ERC1: variants seen among roughly 807,000 people sequenced by gnomAD.
ERC1 encodes RAB6 interacting protein 2.
In ERC1, 56 loss-of-function variants were observed where a neutral mutation model predicts 132.0. The observed-to-expected ratio is 0.42, with a 90% CI of 0.34 to 0.53. ERC1 has a LOEUF of 0.53. Ranked by LOEUF, ERC1 falls within the 20% of genes least tolerant of loss-of-function variation. The pLI, the probability that ERC1 is intolerant of heterozygous loss-of-function variation, is 0.03. For missense variants in ERC1, 1,202 were observed against 1,349.9 expected (o/e 0.89, Z 1.72); for synonymous variants, 478 against 476.1 (o/e 1.00, Z -0.05).
At chr12:1,358,956 A>G (rs995510329) in intron 15 of ERC1, among the ~76,000 whole-genome samples, 3 of 152,176 alleles carry the variant, frequency 2.0e-5, no homozygotes, top group Non-Finnish European at 2.9e-5. Flanking sequence ...ATCTTCTTAC[A>G]TCGACAAAGA....
chr12:1,145,277 A>G (rs1950248385), intron 8 of ERC1, among the ~76,000 whole-genome samples: 1 of 152,152 alleles, frequency 6.6e-6, no homozygotes. Context: ...TCGGCCTCCC[A>G]AAGTGCTGGG....
Position 1,114,289 on chromosome 12 carries a change from A to G in ERC1, c.1402-1577A>G, listed in dbSNP as rs148446172. Among the ~76,000 whole-genome samples, 1,418 of 152,246 alleles carry G rather than the reference A, an allele frequency of 9.3e-3. 22 individuals are homozygous for G. The highest frequency in any genetic ancestry group is 0.031 in the African/African-American group (1,270 of 41,546). On this transcript the variant is annotated intron_variant, in intron 6 of 18. Coordinates refer to ENST00000360905, the MANE Select transcript of ERC1 (RefSeq NM_178040.4). ...ACCCGCCTCGGCCTTCCAAAGTGCA[A>G]TGATTACAGGCGTGAGCCACTGCAC...
chr12:1,016,327 A>G (rs1965492699), intron 1 of ERC1, among the ~76,000 whole-genome samples: 2 of 152,210 alleles, frequency 1.3e-5, no homozygotes, highest in Admixed American at 6.5e-5. Flanking sequence ...GTTGCTATTA[A>G]AGAATTTTTT....
At chr12:1,070,537 C>T (rs369121173) in intron 2 of ERC1, among the ~76,000 whole-genome samples, 27 of 152,200 alleles carry the variant, frequency 1.8e-4, no homozygotes, top group South Asian at 8.3e-4. Flanking sequence ...CCTTCCTCCT[C>T]GGCTTCTCAA....
At chr12:1,450,343 A>G (rs2093399110) in intron 18 of ERC1, among the ~76,000 whole-genome samples, 1 of 152,096 alleles carries the variant, frequency 6.6e-6, no homozygotes, top group Non-Finnish European at 1.5e-5. Context: ...CTTGCCCCAT[A>G]TTCCATCTGC....
intron 8 of ERC1, among the ~76,000 whole-genome samples, chr12:1,142,477 G>A (rs1044724455): frequency 3.3e-5 from 5 of 152,188 alleles, no homozygotes; most frequent in African/African-American, 1.2e-4. Flanking sequence ...GTCAAGTCAA[G>A]TATATTTCTA....
At chr12:1,394,055 T>G (rs1228875247) in intron 16 of ERC1, among the ~76,000 whole-genome samples, 3 of 140,232 alleles carry the variant, frequency 2.1e-5, no homozygotes, top group Admixed American at 7.2e-5. Context: ...CCACAAAGCA[T>G]TAAGCAATTT....
At chr12:1,082,180 A>G (rs1464666178) in intron 2 of ERC1, among the ~76,000 whole-genome samples, 1 of 151,932 alleles carries the variant, frequency 6.6e-6, no homozygotes, top group Non-Finnish European at 1.5e-5. Flanking sequence ...GGTTCGTGCC[A>G]CCATGCCTGG....
At position 1,172,512 on chromosome 12, in the gene ERC1, A is replaced by G. The variant is rs141363474; in HGVS notation, c.1738-8028A>G. On this transcript the variant is annotated intron_variant, in intron 8 of 18. Transcript: ENST00000360905. ...ATGTATTTCTTGAGTTTACTACTCA[A>G]TAATGATAATTATATATGATAGTAA... is the stretch of plus-strand genomic sequence containing the variant. Among the ~76,000 whole-genome samples the G allele has an allele frequency of 7.5e-3, 1,139 of 152,346 alleles. 19 individuals carry two copies. Among genetic ancestry groups the G allele is most frequent in the African/African-American group, 0.025 (1,048 of 41,578 alleles).
Position 1,493,684 on chromosome 12 carries a change from G to A in ERC1, c.*3454G>A, listed in dbSNP as rs1199282262. On this transcript the variant is annotated 3_prime_UTR_variant, in exon 19 of 19. Coordinates refer to ENST00000360905, the MANE Select transcript of ERC1 (RefSeq NM_178040.4). ...GGCTCTCAGACTTCCTCACACTTGG[G>A]TTTTAGAAATAACTTGTAAAGCAGA... 1 of 191,732 alleles carries A rather than the reference G, an allele frequency of 5.2e-6. No individual in the cohort carries two copies. Among genetic ancestry groups the A allele is most frequent in the Non-Finnish European group, 1.1e-5 (1 of 93,146 alleles). The allele number at this position is 191,732 out of a possible 1,614,324, so 11.9% of individuals were successfully genotyped here.
chr12:1,239,935 A>AT lies in ERC1; in HGVS notation c.2487+3033dup, dbSNP rs575907616. Among the ~76,000 whole-genome samples, 250 of 152,312 alleles carry AT rather than the reference A, an allele frequency of 1.6e-3. 1 individual carries two copies. Among genetic ancestry groups the AT allele is most frequent in the Middle Eastern group, 6.8e-3 (2 of 294 alleles). ...TTTGGGGAAAGCCCCATGAATTTGC[A>AT]TTCTAATAAGTTCCTGGGTGATGAT... On this transcript the variant is annotated intron_variant, in intron 13 of 18. Coordinates refer to ENST00000360905, the MANE Select transcript of ERC1 (RefSeq NM_178040.4).
intron 18 of ERC1, among the ~76,000 whole-genome samples, chr12:1,450,886 T>C (rs2093411966): frequency 6.6e-6 from 1 of 152,244 alleles, no homozygotes; most frequent in African/African-American, 2.4e-5. Context: ...TAGTTTTGAT[T>C]TGCATTTCCC....
Position 1,099,774 on chromosome 12 carries a change from A to G in ERC1, c.1087-4976A>G, listed in dbSNP as rs566697793. Among the ~76,000 whole-genome samples the G allele has an allele frequency of 2.0e-5, 3 of 149,892 alleles. No homozygotes were observed. The South Asian group carries it at 6.4e-4, about 32-fold the overall frequency. ...TCTTGGTTAGGGAGATTGGGGATGT[A>G]TATTAGAGTCAAATCATAAGTGAAA... On this transcript the variant is annotated intron_variant, in intron 3 of 18. Coordinates refer to ENST00000360905, the MANE Select transcript of ERC1 (RefSeq NM_178040.4).
chr12:1,032,352 A>G (rs1368785114), intron 2 of ERC1, among the ~76,000 whole-genome samples: 1 of 152,136 alleles, frequency 6.6e-6, no homozygotes, highest in Non-Finnish European at 1.5e-5. Flanking sequence ...CCGGGTGTAA[A>G]TCTAAGTCTT....
rs200438290 is a variant in ERC1, at chr12:1,119,615, A to C, written c.1569+3582A>C. Among the ~76,000 whole-genome samples, 3 of 150,420 alleles carry C rather than the reference A, an allele frequency of 2.0e-5. No homozygotes were observed. In the East Asian group the frequency reaches 5.9e-4, roughly 30 times the overall value. On this transcript the variant is annotated intron_variant, in intron 7 of 18. Transcript: ENST00000360905. The stretch of plus-strand genomic sequence containing the variant: ...TGCCCAGGCTGGAGTGCAATAGCAC[A>C]ATCTTGGCTCACCACAACCTCGCCT...
At chr12:1,065,346 C>T (rs7309868) in intron 2 of ERC1, among the ~76,000 whole-genome samples, 150,754 of 152,294 alleles carry the variant, frequency 0.99, 74,623 homozygotes, top group East Asian at 1. Context: ...TCAGAAAATC[C>T]GCTTGATGTA....
intron 18 of ERC1, among the ~76,000 whole-genome samples, chr12:1,482,467 A>T (rs1044829974): frequency 1.3e-5 from 2 of 151,974 alleles, no homozygotes; most frequent in African/African-American, 4.8e-5. Flanking sequence ...TTTGTTTGAG[A>T]TGGAGTTTCG....
At chr12:1,276,157 C>G (rs1346449408) in intron 14 of ERC1, among the ~76,000 whole-genome samples, 1 of 152,094 alleles carries the variant, frequency 6.6e-6, no homozygotes, top group Admixed American at 6.6e-5. Flanking sequence ...CTGGAAAAAT[C>G]CTACTTCTTC....
chr12:1,422,692 C>T (rs2092472306), intron 17 of ERC1, among the ~76,000 whole-genome samples: 1 of 152,166 alleles, frequency 6.6e-6, no homozygotes. Flanking sequence ...TTACTGATTT[C>T]CTTTCCTTTG....
Sources: gnomAD v4.1 joint callset for allele counts (sites outside exome capture counted in the v4.1 genomes callset) on GRCh38, gnomAD v4.1.1 for gene constraint, MANE v1.5 for transcripts, NCBI Gene and HGNC (gene_info 2026-07-23, HGNC 2026-07-21) for gene names.